PRSS23: variants seen among roughly 807,000 people sequenced by gnomAD.
PRSS23 encodes the protein serine protease 23, also known as protease, serine 23.
In PRSS23, 25 loss-of-function variants were observed where a neutral mutation model predicts 34.7. That is an observed-to-expected ratio of 0.72 (90% CI 0.53 to 1.01). The LOEUF is 1.01. PRSS23 is among the 50% of genes least tolerant of loss of function. The probability of loss-of-function intolerance (pLI) is 0.00; values close to 1 mark genes in which losing one functional copy is unlikely to be tolerated. For missense variants in PRSS23, 445 were observed against 475.6 expected (o/e 0.94, Z 0.60); for synonymous variants, 176 against 186.6 (o/e 0.94, Z 0.46).
chr11:86,869,460 G>A lies in PRSS23; in HGVS notation c.206+45867G>A, dbSNP rs565894688. Among the ~76,000 whole-genome samples the A allele has an allele frequency of 3.3e-5, 5 of 152,204 alleles. 1 individual carries two copies. The highest frequency in any genetic ancestry group is 2.1e-4 in the South Asian group (1 of 4,804). ...TTTGAATGAGACAGACATGGGCCCC[G>A]CCTTCAAGTTGCTCCGAGCCTAATG... On this transcript the variant is annotated intron_variant, in intron 2 of 2. Coordinates refer to the PRSS23 transcript ENST00000533902.
At chr11:86,827,722 A>C (rs1394615915) in intron 2 of PRSS23, among the ~76,000 whole-genome samples, 1 of 151,776 alleles carries the variant, frequency 6.6e-6, no homozygotes, top group Admixed American at 6.6e-5. Flanking sequence ...TCAAAGAACA[A>C]CTTTATTTCT....
intron 2 of PRSS23, among the ~76,000 whole-genome samples, chr11:86,824,330 A>AAAAT (rs369196890): frequency 1.2e-4 from 16 of 133,156 alleles, no homozygotes; most frequent in South Asian, 2.4e-4. Flanking sequence ...AAATAAAAAT[A>AAAAT]AAAATAAAAT....
chr11:86,927,685 T>G (rs2135011113), intron 2 of PRSS23, among the ~76,000 whole-genome samples: 1 of 152,130 alleles, frequency 6.6e-6, no homozygotes, highest in South Asian at 2.1e-4. Flanking sequence ...TTTTCCTTTC[T>G]CCTTCTGAAC....
chr11:86,848,243 C>T (rs1227903249), intron 2 of PRSS23, among the ~76,000 whole-genome samples: 1 of 152,178 alleles, frequency 6.6e-6, no homozygotes, highest in African/African-American at 2.4e-5. Context: ...CATGTTACTT[C>T]TTGATCAGAC....
intron 2 of PRSS23, among the ~76,000 whole-genome samples, chr11:86,825,073 T>G (rs1948288632): frequency 6.6e-6 from 1 of 152,048 alleles, no homozygotes; most frequent in South Asian, 2.1e-4. Flanking sequence ...CCACAATGGT[T>G]GAACTAGTTT....
At chr11:86,887,228 C>G (rs573464203) in intron 2 of PRSS23, among the ~76,000 whole-genome samples, 4 of 152,120 alleles carry the variant, frequency 2.6e-5, no homozygotes, top group African/African-American at 9.6e-5. Flanking sequence ...GAGACTTTTC[C>G]CAAATGCAAT....
upstream of PRSS23, among the ~76,000 whole-genome samples, chr11:86,795,666 T>C (rs1415107435): frequency 1.3e-5 from 2 of 152,374 alleles, no homozygotes; most frequent in Non-Finnish European, 2.9e-5. Flanking sequence ...AGCACCTCTA[T>C]GGCTAAGACA....
At chr11:86,851,685 G>A (rs1948530931) in intron 2 of PRSS23, among the ~76,000 whole-genome samples, 1 of 152,134 alleles carries the variant, frequency 6.6e-6, no homozygotes, top group Admixed American at 6.5e-5. Context: ...CTAATAACTG[G>A]GAGAAGACTA....
At chr11:86,828,294 T>A (rs1165318361) in intron 2 of PRSS23, among the ~76,000 whole-genome samples, 1 of 152,200 alleles carries the variant, frequency 6.6e-6, no homozygotes, top group Non-Finnish European at 1.5e-5. Context: ...AAAGTCTGTT[T>A]TATCAGAGAC....
chr11:86,855,199 G>A (rs1260502370), intron 2 of PRSS23, among the ~76,000 whole-genome samples: 4 of 151,546 alleles, frequency 2.6e-5, no homozygotes, highest in East Asian at 1.9e-4. Context: ...GCATGATTTC[G>A]AGTCCCAGTC....
chr11:86,836,694 G>A (rs1004606349), intron 2 of PRSS23: 1 of 152,184 alleles, frequency 6.6e-6, no homozygotes, highest in Non-Finnish European at 1.5e-5. Flanking sequence ...GGACAGGAGA[G>A]TAAGACTGAG....
chr11:86,800,372 C>A, upstream of PRSS23: 1 of 885,686 alleles, frequency 1.1e-6, no homozygotes, highest in Non-Finnish European at 1.4e-6. Flanking sequence ...CTGGGCTGCT[C>A]CACCCTGCTC....
chr11:86,799,647 C>T (rs776485236), upstream of PRSS23, among the ~76,000 whole-genome samples: 1 of 152,184 alleles, frequency 6.6e-6, no homozygotes, highest in Non-Finnish European at 1.5e-5. Context: ...CCTTAAATGG[C>T]AAGGTCTCCA....
intron 2 of PRSS23, among the ~76,000 whole-genome samples, chr11:86,829,015 G>A (rs1019641081): frequency 8.5e-5 from 13 of 152,174 alleles, no homozygotes; most frequent in African/African-American, 1.7e-4. Flanking sequence ...GGCGTTCTCT[G>A]TATTTCCTGA....
At chr11:86,800,535 C>T (rs930671390), upstream of PRSS23, 38 of 984,714 alleles carry the variant, frequency 3.9e-5, no homozygotes, top group Non-Finnish European at 4.0e-5. Context: ...TGCTCGCCAG[C>T]TTGCTCGCAC....
intron 2 of PRSS23, among the ~76,000 whole-genome samples, chr11:86,850,487 T>G (rs1474546354): frequency 6.6e-6 from 1 of 152,196 alleles, no homozygotes; most frequent in Non-Finnish European, 1.5e-5. Flanking sequence ...CTCACTCATT[T>G]CCCTGTGTCA....
At chr11:86,883,256 A>T (rs1590911727) in intron 2 of PRSS23, among the ~76,000 whole-genome samples, 1 of 152,364 alleles carries the variant, frequency 6.6e-6, no homozygotes, top group Non-Finnish European at 1.5e-5. Flanking sequence ...CTACAGGGAT[A>T]CAGTAACCAA....
At chr11:86,931,815 A>C (rs1013951766) in intron 2 of PRSS23, among the ~76,000 whole-genome samples, 2 of 141,428 alleles carry the variant, frequency 1.4e-5, no homozygotes, top group African/African-American at 5.2e-5. Flanking sequence ...CGTGCTTTTT[A>C]TTAACTGTAC....
At chr11:86,877,037 C>CGAGG (rs1449379303) in intron 2 of PRSS23, among the ~76,000 whole-genome samples, 1 of 152,166 alleles carries the variant, frequency 6.6e-6, no homozygotes, top group East Asian at 1.9e-4. Context: ...TCTCAATGAG[C>CGAGG]GAGGCACTTC....
Sources: gnomAD v4.1 joint callset for allele counts (sites outside exome capture counted in the v4.1 genomes callset) on GRCh38, gnomAD v4.1.1 for gene constraint, MANE v1.5 for transcripts, NCBI Gene and HGNC (gene_info 2026-07-23, HGNC 2026-07-21) for gene names.